ADAMTS3: variants seen among roughly 807,000 people sequenced by gnomAD.
ADAMTS3 encodes the protein A disintegrin and metalloproteinase with thrombospondin motifs 3.
A neutral mutation model predicts 129.0 loss-of-function variants in ADAMTS3; 73 were observed. The observed-to-expected ratio is 0.57, with a 90% confidence interval of 0.47 to 0.69. ADAMTS3 has a LOEUF of 0.69. Among genes scored for constraint, ADAMTS3 ranks in the 30% least tolerant of loss-of-function variants. The probability of loss-of-function intolerance (pLI) is 0.00; values close to 1 mark genes in which losing one functional copy is unlikely to be tolerated. For synonymous variants in ADAMTS3, 477 were observed against 510.8 expected (o/e 0.93, Z 0.89); for missense variants, 1,457 against 1,514.5 (o/e 0.96, Z 0.63).
At chr4:72,466,151 T>C (rs976268203) in intron 3 of ADAMTS3, among the ~76,000 whole-genome samples, 7 of 152,094 alleles carry the variant, frequency 4.6e-5, no homozygotes, top group African/African-American at 1.2e-4. Context: ...TGGGTCCTTC[T>C]GACACTGTGA....
At chr4:72,358,565 G>A (rs894740028) in intron 4 of ADAMTS3, among the ~76,000 whole-genome samples, 9 of 151,848 alleles carry the variant, frequency 5.9e-5, no homozygotes, top group African/African-American at 2.2e-4. Context: ...TACCTTGGAC[G>A]ATAGAATCAA....
At chr4:72,483,302 C>T (rs1334910760) in intron 3 of ADAMTS3, among the ~76,000 whole-genome samples, 7 of 152,110 alleles carry the variant, frequency 4.6e-5, no homozygotes, top group African/African-American at 1.7e-4. Flanking sequence ...AGGGAATATA[C>T]AAATTGTACT....
At chr4:72,543,850 C>T (rs1721395639) in intron 3 of ADAMTS3, among the ~76,000 whole-genome samples, 1 of 152,060 alleles carries the variant, frequency 6.6e-6, no homozygotes, top group South Asian at 2.1e-4. Flanking sequence ...ATACTTAAAA[C>T]ATGCTTAAGA....
intron 4 of ADAMTS3, among the ~76,000 whole-genome samples, chr4:72,362,570 T>C (rs1720757512): frequency 6.6e-6 from 1 of 152,180 alleles, no homozygotes; most frequent in Admixed American, 6.6e-5. Context: ...CTGAAAATTT[T>C]CTCTGCAGAC....
At chr4:72,511,032 C>G (rs1168096327) in intron 3 of ADAMTS3, among the ~76,000 whole-genome samples, 2 of 152,056 alleles carry the variant, frequency 1.3e-5, no homozygotes, top group Non-Finnish European at 2.9e-5. Context: ...GGGGAAAAGA[C>G]AGTCTCTTCA....
intron 3 of ADAMTS3, among the ~76,000 whole-genome samples, chr4:72,517,418 T>G (rs199547831): frequency 1.1e-3 from 173 of 152,292 alleles, no homozygotes; most frequent in African/African-American, 4.0e-3. Flanking sequence ...ATGGTACCAG[T>G]TCCTCCTTGT....
intron 3 of ADAMTS3, among the ~76,000 whole-genome samples, chr4:72,509,095 C>T (rs543919821): frequency 9.9e-5 from 15 of 151,692 alleles, no homozygotes; most frequent in East Asian, 5.8e-4. Flanking sequence ...GGAAACATGA[C>T]GTATTAAAAC....
chr4:72,452,081 C>A lies in ADAMTS3; in HGVS notation c.505-37110G>T, dbSNP rs535466460. ...TCCATGCACTCCAGCCTGAGTGAGA[C>A]CCAGTTTCAAACAATAACAACAACA... is the stretch of plus-strand genomic sequence containing the variant. On this transcript the variant is annotated intron_variant, in intron 3 of 21. Transcript: ENST00000286657. 7.2e-4 allele frequency among the ~76,000 whole-genome samples: 109 copies of A among 151,680 alleles called. 1 individual carries two copies. The highest frequency in any genetic ancestry group is 1.4e-3 in the Non-Finnish European group (95 of 67,776).
At chr4:72,336,422 A>G (rs1719990198) in intron 5 of ADAMTS3, among the ~76,000 whole-genome samples, 1 of 152,180 alleles carries the variant, frequency 6.6e-6, no homozygotes, top group African/African-American at 2.4e-5. Flanking sequence ...GAAAAACTGA[A>G]TGTTCCTGGT....
intron 4 of ADAMTS3, among the ~76,000 whole-genome samples, chr4:72,372,997 A>C (rs905385681): frequency 6.6e-6 from 1 of 152,218 alleles, no homozygotes; most frequent in East Asian, 1.9e-4. Flanking sequence ...ACTCATTATT[A>C]TAAAGATGCT....
intron 5 of ADAMTS3, among the ~76,000 whole-genome samples, chr4:72,337,651 C>T (rs564721862): frequency 6.6e-6 from 1 of 152,058 alleles, no homozygotes; most frequent in Admixed American, 6.6e-5. Flanking sequence ...AAAGCCTTAC[C>T]CTCCTAAGTC....
Position 72,568,828 on chromosome 4 carries a change from G to A in ADAMTS3, c.-66C>T, listed in dbSNP as rs952946526. ...TGCCCAGAGCAAACCCACCCCCCCCGCCCAAAATAAGTTTCTTTAAGAAAA... is the reference window on the plus strand; with the variant it reads ...TGCCCAGAGCAAACCCACCCCCCCCACCCAAAATAAGTTTCTTTAAGAAAA... On this transcript the variant is annotated 5_prime_UTR_variant, in exon 1 of 22. Coordinates refer to ENST00000286657, the MANE Select transcript of ADAMTS3 (RefSeq NM_014243.3). 7.7e-6 allele frequency: 6 copies of A among 784,224 alleles called. No homozygotes were observed. The highest frequency in any genetic ancestry group is 5.6e-5 in the East Asian group (1 of 17,738). The allele number at this position is 784,224 out of a possible 1,614,324, so 48.6% of individuals were successfully genotyped here. A position where few individuals can be genotyped will look rare whatever the true frequency, so the allele number is the denominator to read the frequency against.
intron 3 of ADAMTS3, among the ~76,000 whole-genome samples, chr4:72,541,626 G>C (rs1721326395): frequency 6.6e-6 from 1 of 152,182 alleles, no homozygotes; most frequent in South Asian, 2.1e-4. Flanking sequence ...CTCAGTGAGA[G>C]GTAATTGAAT....
intron 4 of ADAMTS3, among the ~76,000 whole-genome samples, chr4:72,413,344 G>C (rs1463896209): frequency 6.6e-6 from 1 of 151,898 alleles, no homozygotes; most frequent in Non-Finnish European, 1.5e-5. Flanking sequence ...TTAGGTATTA[G>C]TAATATGGAA....
chr4:72,406,031 G>A (rs1246224400), intron 4 of ADAMTS3, among the ~76,000 whole-genome samples: 1 of 152,102 alleles, frequency 6.6e-6, no homozygotes, highest in Non-Finnish European at 1.5e-5. Flanking sequence ...CACAATTCTT[G>A]TGCAACAAGA....
intron 19 of ADAMTS3, among the ~76,000 whole-genome samples, chr4:72,294,202 G>A (rs1718748665): frequency 6.6e-6 from 1 of 152,050 alleles, no homozygotes. Context: ...CAAATACCAT[G>A]TGACCTTCAC....
At chr4:72,485,470 T>G (rs1039600835) in intron 3 of ADAMTS3, among the ~76,000 whole-genome samples, 1 of 152,176 alleles carries the variant, frequency 6.6e-6, no homozygotes. Context: ...TCCTGCATTA[T>G]CTTCCAGGCT....
At chr4:72,489,806 C>A (rs2110013749) in intron 3 of ADAMTS3, among the ~76,000 whole-genome samples, 1 of 151,866 alleles carries the variant, frequency 6.6e-6, no homozygotes, top group East Asian at 1.9e-4. Flanking sequence ...GGGTTCATTA[C>A]TTTCTAAGGT....
At chr4:72,419,280 C>G (rs1426566734) in intron 3 of ADAMTS3, among the ~76,000 whole-genome samples, 2 of 152,186 alleles carry the variant, frequency 1.3e-5, no homozygotes, top group African/African-American at 4.8e-5. Context: ...GCACATATAT[C>G]TAGCTTAGCT....
Sources: allele counts gnomAD v4.1 joint callset (sites outside exome capture counted in the v4.1 genomes callset), GRCh38; gene constraint gnomAD v4.1.1; transcripts MANE v1.5; gene names NCBI Gene and HGNC (gene_info 2026-07-23, HGNC 2026-07-21).